Variants in CTNNA2 observed in about 807,000 individuals in gnomAD.
The protein encoded by CTNNA2 is catenin alpha-2.
CTNNA2 carries 42 observed loss-of-function variants against 101.0 expected under a neutral mutation model. That is an observed-to-expected ratio of 0.42 (90% CI 0.32 to 0.54). The LOEUF (loss-of-function observed/expected upper bound fraction) is 0.54, where lower values mean the gene tolerates loss of function less well. Ranked by LOEUF, CTNNA2 falls within the 20% of genes least tolerant of loss-of-function variation. CTNNA2 has a pLI of 0.14. For missense variants in CTNNA2, 871 were observed against 1,223.1 expected, an observed-to-expected ratio of 0.71 and a Z score of 4.29; for synonymous variants, 450 against 456.4, an observed-to-expected ratio of 0.99 and a Z score of 0.18.
In CTNNA2 at chr2:79,737,069, C is replaced by T. The variant is rs562285882; in HGVS notation, c.103-7318C>T. Among the ~76,000 whole-genome samples the T allele has an allele frequency of 4.6e-5, 7 of 152,210 alleles. No individual in the cohort carries two copies. In the East Asian group the frequency reaches 1.2e-3, roughly 25 times the overall value. ...TTTACCTGTTAAAAGTCACTGCTGCCGGGTGCGGTGGCTCATGCCAGTAAT... is the reference window on the plus strand; with the variant it reads ...TTTACCTGTTAAAAGTCACTGCTGCTGGGTGCGGTGGCTCATGCCAGTAAT... On this transcript the variant is annotated intron_variant, in intron 2 of 18. Coordinates refer to ENST00000402739, the MANE Select transcript of CTNNA2 (RefSeq NM_001282597.3).
intron 1 of CTNNA2, among the ~76,000 whole-genome samples, chr2:79,193,571 T>G (rs1673904720): frequency 6.6e-6 from 1 of 152,178 alleles, no homozygotes; most frequent in Non-Finnish European, 1.5e-5. Context: ...CACATTTTTC[T>G]TAGAATGTAT....
chr2:79,742,878 A>T (rs1035786864), intron 2 of CTNNA2, among the ~76,000 whole-genome samples: 2 of 152,200 alleles, frequency 1.3e-5, no homozygotes, highest in African/African-American at 4.8e-5. Context: ...CCAACCCTGC[A>T]CTAATCACCT....
chr2:79,630,162 G>A (rs1054273272), intron 1 of CTNNA2, among the ~76,000 whole-genome samples: 3 of 151,966 alleles, frequency 2.0e-5, no homozygotes, highest in Non-Finnish European at 4.4e-5. Context: ...TAGACCCTGG[G>A]ACCTGCTCTC....
chr2:79,892,995 G>T (rs1212619172), intron 6 of CTNNA2, among the ~76,000 whole-genome samples: 1 of 152,086 alleles, frequency 6.6e-6, no homozygotes, highest in East Asian at 1.9e-4. Flanking sequence ...CTGATTGTTA[G>T]ACTTTACCAC....
intron 1 of CTNNA2, among the ~76,000 whole-genome samples, chr2:79,192,654 G>A (rs1234612280): frequency 1.3e-5 from 2 of 151,990 alleles, no homozygotes; most frequent in African/African-American, 4.8e-5. Flanking sequence ...AATGATGGAC[G>A]AAATTTTTCT....
At chr2:80,340,280 C>T (rs1173171168) in intron 7 of CTNNA2, among the ~76,000 whole-genome samples, 1 of 152,160 alleles carries the variant, frequency 6.6e-6, no homozygotes, top group African/African-American at 2.4e-5. Flanking sequence ...GAGGAACTGC[C>T]TTGAGCTTGC....
At chr2:79,752,347 A>G (rs1448320046) in intron 3 of CTNNA2, among the ~76,000 whole-genome samples, 1 of 152,234 alleles carries the variant, frequency 6.6e-6, no homozygotes, top group Admixed American at 6.5e-5. Flanking sequence ...TCTAGACTCT[A>G]GAATGTTGTT....
At chr2:80,509,969 T>A (rs1173012660) in intron 9 of CTNNA2, among the ~76,000 whole-genome samples, 4 of 152,212 alleles carry the variant, frequency 2.6e-5, no homozygotes, top group Admixed American at 2.6e-4. Flanking sequence ...TCTGTTCTAC[T>A]CTCATTGTAC....
intron 1 of CTNNA2, among the ~76,000 whole-genome samples, chr2:79,585,747 A>T (rs547536596): frequency 1.4e-5 from 2 of 147,116 alleles, no homozygotes; most frequent in Non-Finnish European, 3.0e-5. Flanking sequence ...CCCGGACAAC[A>T]TGGCCAACAT....
chr2:80,282,609 C>G (rs1248995303), intron 7 of CTNNA2, among the ~76,000 whole-genome samples: 1 of 152,072 alleles, frequency 6.6e-6, no homozygotes, highest in Non-Finnish European at 1.5e-5. Context: ...TATTTTAAAG[C>G]AAATCTCAGA....
chr2:79,754,479 T>C (rs536096387), intron 3 of CTNNA2, among the ~76,000 whole-genome samples: 7 of 152,252 alleles, frequency 4.6e-5, no homozygotes, highest in South Asian at 2.1e-4. Context: ...CACACAGCTC[T>C]GTCCCTCCTC....
intron 7 of CTNNA2, among the ~76,000 whole-genome samples, chr2:80,000,465 G>T (rs1347756179): frequency 6.6e-6 from 1 of 152,148 alleles, no homozygotes; most frequent in Admixed American, 6.5e-5. Context: ...AGTTAGTAGA[G>T]CTCACCCTTT....
chr2:80,360,618 G>A (rs998615272), intron 7 of CTNNA2, among the ~76,000 whole-genome samples: 25 of 152,054 alleles, frequency 1.6e-4, no homozygotes, highest in Admixed American at 1.2e-3. Context: ...TCCTGATAGG[G>A]TACTCTATGA....
chr2:79,836,987 C>A (rs910734689), intron 3 of CTNNA2, among the ~76,000 whole-genome samples: 10 of 152,140 alleles, frequency 6.6e-5, no homozygotes, highest in African/African-American at 2.4e-4. Flanking sequence ...TCTACAAAGA[C>A]CCCTGTTTCC....
At chr2:79,461,071 A>G (rs1670872348) in intron 4 of CTNNA2, among the ~76,000 whole-genome samples, 5 of 152,116 alleles carry the variant, frequency 3.3e-5, no homozygotes. Context: ...CGAACCCCTG[A>G]CCTCAAGTGA....
At chr2:79,574,432 A>T (rs914565474) in intron 1 of CTNNA2, among the ~76,000 whole-genome samples, 1 of 151,948 alleles carries the variant, frequency 6.6e-6, no homozygotes, top group Non-Finnish European at 1.5e-5. Flanking sequence ...TGTGTATTCA[A>T]TGTTTAACTA....
Position 80,451,993 on chromosome 2 carries a change from G to T in CTNNA2, c.1290+32392G>T, listed in dbSNP as rs531459249. Among the ~76,000 whole-genome samples the T allele has an allele frequency of 8.5e-5, 13 of 152,256 alleles. No individual in the cohort carries two copies. The South Asian group carries it at 2.7e-3, about 32-fold the overall frequency. Reference sequence around the variant, plus strand: ...AAAAAAATCCCTAAATCCAGAACATGAGGCTAGTTATATATCAAAGCATAT... The same window carrying T: ...AAAAAAATCCCTAAATCCAGAACATTAGGCTAGTTATATATCAAAGCATAT... On this transcript the variant is annotated intron_variant, in intron 9 of 18. Coordinates refer to ENST00000402739, the MANE Select transcript of CTNNA2 (RefSeq NM_001282597.3).
chr2:80,354,775 C>T (rs957420393), intron 7 of CTNNA2, among the ~76,000 whole-genome samples: 1 of 152,078 alleles, frequency 6.6e-6, no homozygotes, highest in African/African-American at 2.4e-5. Context: ...CAGTGTTTCT[C>T]AAACTCAGGT....
chr2:80,487,573 G>A (rs1410644027), intron 9 of CTNNA2, among the ~76,000 whole-genome samples: 1 of 152,114 alleles, frequency 6.6e-6, no homozygotes, highest in Non-Finnish European at 1.5e-5. Flanking sequence ...TTACTATCAC[G>A]AGAATGGCAT....
Sources: allele counts gnomAD v4.1 joint callset (sites outside exome capture counted in the v4.1 genomes callset), GRCh38; gene constraint gnomAD v4.1.1; transcripts MANE v1.5; gene names NCBI Gene and HGNC (gene_info 2026-07-23, HGNC 2026-07-21).